PGM3: variants seen among roughly 807,000 people sequenced by gnomAD.
PGM3 encodes the protein phosphoglucomutase 3.
A neutral mutation model predicts 66.2 loss-of-function variants in PGM3; 40 were observed. The observed-to-expected ratio is 0.60, with a 90% CI of 0.47 to 0.79. The LOEUF is 0.79. Among genes scored for constraint, PGM3 ranks in the 30% least tolerant of loss-of-function variants. The probability of loss-of-function intolerance (pLI) is 0.00; values close to 1 mark genes in which losing one functional copy is unlikely to be tolerated. For synonymous variants in PGM3, 191 were observed against 224.2 expected (o/e 0.85, Z 1.32); for missense variants, 537 against 643.4 (o/e 0.83, Z 1.79).
At chr6:83,158,473 T>C, downstream of PGM3, 1 of 961,892 alleles carries the variant, frequency 1.0e-6, no homozygotes, top group Non-Finnish European at 1.6e-6. Context: ...TATTCTAAAA[T>C]TTGTTTTTGC....
downstream of PGM3, among the ~76,000 whole-genome samples, chr6:83,164,286 G>C (rs534320817): frequency 6.6e-6 from 1 of 151,420 alleles, no homozygotes; most frequent in African/African-American, 2.4e-5. Flanking sequence ...GCTTCTGTAG[G>C]GGCTTAATAA....
downstream of PGM3, chr6:83,164,572 C>A: frequency 1.6e-6 from 2 of 1,246,962 alleles, no homozygotes; most frequent in South Asian, 1.3e-5. Flanking sequence ...GGCATCTTCC[C>A]ATCCAAATCA....
intron 2 of PGM3, among the ~76,000 whole-genome samples, chr6:83,190,157 T>C (rs562911211): frequency 6.6e-6 from 1 of 152,348 alleles, no homozygotes; most frequent in South Asian, 2.1e-4. Flanking sequence ...TGTGAGCTAA[T>C]GGATATGTTA....
intron 4 of PGM3, among the ~76,000 whole-genome samples, chr6:83,185,650 T>G (rs1332868688): frequency 6.6e-6 from 1 of 152,010 alleles, no homozygotes; most frequent in South Asian, 2.1e-4. Flanking sequence ...TCCCAGCTAC[T>G]CGGGAGGCTG....
chr6:83,182,763 T>G lies in PGM3; in HGVS notation c.591+82A>C, dbSNP rs1788275620. 3 of 1,300,594 alleles carry G rather than the reference T, an allele frequency of 2.3e-6. No homozygotes were observed. In the South Asian group the frequency reaches 3.9e-5, roughly 17 times the overall value. 80.6% of individuals were successfully genotyped at this position (1,300,594 alleles called of 1,614,324 possible). A position where few individuals can be genotyped will look rare whatever the true frequency, so the allele number is the denominator to read the frequency against. On this transcript the variant is annotated intron_variant, in intron 5 of 12. Transcript: ENST00000513973. ...TCTTTGGAAAAGGAAAGAGGAGGCA[T>G]GACAAACAAGATAATTTGTTCAGTA...
At position 83,171,985 on chromosome 6, in the gene PGM3, C is replaced by G. The variant is rs761523709; in HGVS notation, c.1317G>C (p.Gln439His). The G allele has an allele frequency of 1.2e-5, 19 of 1,613,212 alleles. No homozygotes were observed. Among genetic ancestry groups the G allele is most frequent in the Non-Finnish European group, 1.6e-5 (19 of 1,179,096 alleles). ...GAAGATCTGTATAGAGAGCATCCCA[C>G]TGTTGTACAGTCAAGCCCTTCAGAG... ...ILALKGLTVQQWDALYTDLPN... is the reference protein window; with the variant it reads ...ILALKGLTVQHWDALYTDLPN... The change falls in exon 11 of 13, where the codon CAG (glutamine) becomes CAC (histidine). Residue 439 changes from glutamine to histidine, a missense_variant. Coordinates refer to ENST00000513973, the MANE Select transcript of PGM3 (RefSeq NM_015599.3).
At chr6:83,157,372 T>C (rs539965325), downstream of PGM3, 3 of 1,566,470 alleles carry the variant, frequency 1.9e-6, no homozygotes, top group East Asian at 4.5e-5. Context: ...AAACAGTGAT[T>C]AGTTTCCATG....
intron 9 of PGM3, 49 bp downstream of exon 9, chr6:83,175,911 CAT>C (rs1562417173): frequency 3.3e-6 from 3 of 904,498 alleles, no homozygotes; most frequent in Non-Finnish European, 1.9e-6. Context: ...ATAGAAGTCT[CAT>C]CATAAAGAAA....
intron 10 of PGM3, among the ~76,000 whole-genome samples, chr6:83,172,496 T>TA (rs1787315318): frequency 2.0e-5 from 3 of 152,172 alleles, no homozygotes; most frequent in African/African-American, 4.8e-5. Flanking sequence ...CCATCTATAC[T>TA]AAAAATACAA....
At chr6:83,184,494 TCTAAAAGACATG>T (rs1344240932) in intron 4 of PGM3, among the ~76,000 whole-genome samples, 4 of 152,226 alleles carry the variant, frequency 2.6e-5, no homozygotes, top group Non-Finnish European at 5.9e-5. Flanking sequence ...AACCCATTAT[TCTAAAAGACATG>T]CTAAAGTAAG....
rs748348224 is a variant in PGM3 at position 83,171,931 on chromosome 6, T to A, written c.1365+6A>T. 6.2e-7 allele frequency: 1 copy of A among 1,609,972 alleles called. No individual in the cohort carries two copies. The highest frequency in any genetic ancestry group is 8.5e-7 in the Non-Finnish European group (1 of 1,177,432). On this transcript the variant is annotated splice_donor_region_variant and intron_variant, in intron 11 of 12. Coordinates refer to ENST00000513973, the MANE Select transcript of PGM3 (RefSeq NM_015599.3). Reference sequence around the variant, plus strand: ...CAAAAAAGTTACTTTAAAGTTTCTCTCACACCTGAACTTTAAGTTGTCTGT... The same window carrying A: ...CAAAAAAGTTACTTTAAAGTTTCTCACACACCTGAACTTTAAGTTGTCTGT...
chr6:83,172,474 C>A (rs1426517870), intron 10 of PGM3, among the ~76,000 whole-genome samples: 1 of 152,160 alleles, frequency 6.6e-6, no homozygotes, highest in Non-Finnish European at 1.5e-5. Context: ...GCCTGGCCAA[C>A]ATGGTAAAAC....
In PGM3 at chr6:83,165,767, T is replaced by G; in HGVS notation, c.*3467A>C. On this transcript the variant is annotated 3_prime_UTR_variant, in exon 13 of 13. Transcript: ENST00000513973. ...ATTAGTTCAATTTTCGAAGCGTTGG[T>G]TGTGCAACGTGCGGCCCAGTGTTGT... 4.1e-6 allele frequency: 1 copy of G among 246,410 alleles called. No individual in the cohort carries two copies. The highest frequency in any genetic ancestry group is 4.0e-5 in the Admixed American group (1 of 25,168). 15.3% of individuals were successfully genotyped at this position (246,410 alleles called of 1,614,324 possible).
chr6:83,191,963 A>G (rs1193367554), intron 1 of PGM3, among the ~76,000 whole-genome samples: 12 of 125,984 alleles, frequency 9.5e-5, no homozygotes, highest in African/African-American at 3.8e-4. Flanking sequence ...GGTCTCAAAA[A>G]AAAAAAAAAA....
intron 9 of PGM3, among the ~76,000 whole-genome samples, 164 bp downstream of exon 9, chr6:83,175,798 C>T (rs890844155): frequency 1.6e-4 from 25 of 152,166 alleles, no homozygotes; most frequent in African/African-American, 6.0e-4. Flanking sequence ...AAAAGAGAAT[C>T]ACAGTTTCAT....
At chr6:83,170,241 A>T in intron 12 of PGM3, 64 bp downstream of exon 12, 1 of 1,452,774 alleles carries the variant, frequency 6.9e-7, no homozygotes, top group Non-Finnish European at 9.6e-7. Flanking sequence ...AAAAACCATT[A>T]AAATAGTTTG....
intron 8 of PGM3, among the ~76,000 whole-genome samples, chr6:83,177,874 C>T (rs1327830087): frequency 2.0e-5 from 3 of 152,010 alleles, no homozygotes; most frequent in Non-Finnish European, 4.4e-5. Context: ...GCCAAAATAC[C>T]ACCCACTTAC....
At chr6:83,164,726 GTGGC>G (rs1785042952), downstream of PGM3, 1 of 1,586,026 alleles carries the variant, frequency 6.3e-7, no homozygotes, top group South Asian at 1.2e-5. Context: ...TCAGGTGAGG[GTGGC>G]TGTTTCATGC....
Position 83,167,845 on chromosome 6 carries a change from C to CTTTTT in PGM3, c.*1384_*1388dup. ...TGTCTGTTGTATTAATACCAGTTCA[C>CTTTTT]TTTTTGTTTTCTGCAGAAAAATCCA... is the stretch of plus-strand genomic sequence containing the variant. On this transcript the variant is annotated 3_prime_UTR_variant, in exon 13 of 13. Transcript: ENST00000513973. 6.3e-7 allele frequency: 1 copy of CTTTTT among 1,592,956 alleles called. No homozygotes were observed. Among genetic ancestry groups the CTTTTT allele is most frequent in the Non-Finnish European group, 8.6e-7 (1 of 1,168,908 alleles).
Sources: gnomAD v4.1 joint callset for allele counts (sites outside exome capture counted in the v4.1 genomes callset) on GRCh38, gnomAD v4.1.1 for gene constraint, MANE v1.5 for transcripts, NCBI Gene and HGNC (gene_info 2026-07-23, HGNC 2026-07-21) for gene names.